Variants in NUP210L observed in about 807,000 individuals in gnomAD.
NUP210L encodes nucleoporin 210 like.
A neutral mutation model predicts 208.5 loss-of-function variants in NUP210L; 74 were observed. The ratio of observed to expected loss-of-function variants is 0.35; its 90% CI spans 0.29 to 0.43. NUP210L has a LOEUF of 0.43. Ranked by LOEUF, NUP210L falls within the 20% of genes least tolerant of loss-of-function variation. The pLI is 1.00. For synonymous variants in NUP210L, 780 were observed against 816.9 expected (o/e 0.95, Z 0.77); for missense variants, 1,843 against 2,289.4 (o/e 0.81, Z 3.98).
At chr1:154,064,873 G>A (rs984683505) in intron 17 of NUP210L, among the ~76,000 whole-genome samples, 7 of 151,824 alleles carry the variant, frequency 4.6e-5, no homozygotes, top group Non-Finnish European at 1.0e-4. Context: ...TCAAGAGTTC[G>A]AGACCAGCCT....
intron 9 of NUP210L, 35 bp from the exon 10 acceptor site, chr1:154,126,498 G>T (rs1411386231): frequency 6.4e-7 from 1 of 1,570,562 alleles, no homozygotes. Flanking sequence ...CAAACCTGAA[G>T]ATATGTTCTT....
At chr1:154,081,639 C>A (rs529359780) in intron 16 of NUP210L, among the ~76,000 whole-genome samples, 105 of 152,254 alleles carry the variant, frequency 6.9e-4, no homozygotes, top group African/African-American at 2.4e-3. Context: ...GCCAATTATT[C>A]AATTAATCAT....
chr1:154,116,210 G>A lies in NUP210L; in HGVS notation c.1620+1515C>T, dbSNP rs1250439201. Among the ~76,000 whole-genome samples, 6 of 144,772 alleles carry A rather than the reference G, an allele frequency of 4.1e-5. No homozygotes were observed. The South Asian group carries it at 1.1e-3, about 27-fold the overall frequency. 95.0% of individuals were successfully genotyped at this position (144,772 alleles called of 152,430 possible). A position where few individuals can be genotyped will look rare whatever the true frequency, so the allele number is the denominator to read the frequency against. On this transcript the variant is annotated intron_variant, in intron 12 of 39. Coordinates refer to ENST00000368559, the Ensembl canonical transcript of NUP210L. ...GCAGAGCTTGCAGTGAGCCAAGATC[G>A]CACCACTGCACTCCAGCCTTGGCGA... is the stretch of plus-strand genomic sequence containing the variant.
chr1:154,137,379 C>T (rs942584819), intron 6 of NUP210L, among the ~76,000 whole-genome samples: 12 of 151,948 alleles, frequency 7.9e-5, no homozygotes, highest in Admixed American at 4.6e-4. Context: ...GGTGAAACCC[C>T]GTCTCTACTA....
chr1:154,123,474 G>T (rs993076978), intron 10 of NUP210L, among the ~76,000 whole-genome samples: 2 of 152,132 alleles, frequency 1.3e-5, no homozygotes, highest in African/African-American at 4.8e-5. Context: ...GACTAATCAT[G>T]CTGAACATCT....
intron 13 of NUP210L, among the ~76,000 whole-genome samples, chr1:154,100,731 G>A (rs1011369572): frequency 8.6e-5 from 13 of 150,834 alleles, no homozygotes; most frequent in Middle Eastern, 3.2e-3. Flanking sequence ...TATTGGCCAC[G>A]CTGGTCTCGA....
At chr1:154,042,105 T>TC (rs1338468730) in intron 27 of NUP210L, among the ~76,000 whole-genome samples, 40 of 147,766 alleles carry the variant, frequency 2.7e-4, no homozygotes, top group Admixed American at 8.8e-4. Context: ...TCTCTCTCTC[T>TC]TTTTTTTTTT....
chr1:154,150,499 G>A (rs1024314834), intron 2 of NUP210L, among the ~76,000 whole-genome samples: 6 of 152,068 alleles, frequency 3.9e-5, no homozygotes, highest in Non-Finnish European at 8.8e-5. Flanking sequence ...GGGCCAAGGC[G>A]GGTGGATCAC....
intron 16 of NUP210L, among the ~76,000 whole-genome samples, chr1:154,072,509 G>T (rs922210431): frequency 1.4e-4 from 21 of 151,142 alleles, no homozygotes; most frequent in African/African-American, 3.4e-4. Context: ...ATTTTTTGTA[G>T]TTTTAGTAGA....
chr1:154,047,395 C>T (rs1269349643), intron 25 of NUP210L, among the ~76,000 whole-genome samples: 2 of 152,160 alleles, frequency 1.3e-5, no homozygotes, highest in African/African-American at 2.4e-5. Context: ...TGGCCATAAA[C>T]TGGCCCCAAA....
At position 154,147,767 on chromosome 1, in the gene NUP210L, T is replaced by C. The variant is rs1417904495; in HGVS notation, c.341-4190A>G. ...GGTTCTGGGGTTCAAGCAATCCTCGTCCCTCAGCCTCCAGAGTAGCTGGGA... is the reference window on the plus strand; with the variant it reads ...GGTTCTGGGGTTCAAGCAATCCTCGCCCCTCAGCCTCCAGAGTAGCTGGGA... On this transcript the variant is annotated intron_variant, in intron 2 of 39. Transcript: ENST00000368559. Among the ~76,000 whole-genome samples, 3 of 141,836 alleles carry C rather than the reference T, an allele frequency of 2.1e-5. No individual in the cohort carries two copies. In the East Asian group the frequency reaches 6.7e-4, roughly 32 times the overall value. 93.0% of individuals were successfully genotyped at this position (141,836 alleles called of 152,430 possible). A position where few individuals can be genotyped will look rare whatever the true frequency, so the allele number is the denominator to read the frequency against.
At chr1:154,105,063 A>C (rs1656683259) in intron 12 of NUP210L, among the ~76,000 whole-genome samples, 1 of 152,202 alleles carries the variant, frequency 6.6e-6, no homozygotes, top group Non-Finnish European at 1.5e-5. Context: ...CATGAGGCAG[A>C]GTCACAAGGC....
chr1:154,149,087 C>CTCTTTTTTTTTTTTT (rs1553244118), intron 2 of NUP210L, among the ~76,000 whole-genome samples: 3 of 119,362 alleles, frequency 2.5e-5, no homozygotes, highest in African/African-American at 6.2e-5. Flanking sequence ...GAAAACTTCT[C>CTCTTTTTTTTTTTTT]TTTTTTTTTT....
chr1:153,995,228 G>A (rs762502205), intron 37 of NUP210L, 48 bp from the exon 38 acceptor site: 1 of 1,283,780 alleles, frequency 7.8e-7, no homozygotes, highest in East Asian at 2.3e-5. Context: ...TAGCAACCAT[G>A]GGCAGATGCT....
intron 38 of NUP210L, among the ~76,000 whole-genome samples, chr1:153,993,334 A>T (rs1476563362): frequency 2.0e-5 from 3 of 152,134 alleles, no homozygotes; most frequent in Non-Finnish European, 2.9e-5. Context: ...TGGGAGGCTG[A>T]GGTGGGCGGA....
chr1:154,127,658 C>A (rs34175616), intron 8 of NUP210L, among the ~76,000 whole-genome samples: 59,568 of 147,524 alleles, frequency 0.4, 12,692 homozygotes, highest in Non-Finnish European at 0.5. Context: ...TCAACTGATT[C>A]TTGTGCCTCA....
chr1:154,143,555 A>G (rs370699710), exon 3 of NUP210L: 46 of 1,613,696 alleles, frequency 2.9e-5, no homozygotes, highest in Non-Finnish European at 3.7e-5. Flanking sequence ...CCTTAACATC[A>G]CAGCGTAGCT....
Position 154,002,017 on chromosome 1 carries a change from A to G in NUP210L, c.4931-32T>C, listed in dbSNP as rs757115272. 3 of 1,607,152 alleles carry G rather than the reference A, an allele frequency of 1.9e-6. No homozygotes were observed. The Admixed American group carries it at 5.1e-5, about 27-fold the overall frequency. ...AAAAAAGAGGAAAAACTGAGCAGGAAGGTTCAGAGGCTCTATTGAGCCAAC... is the reference window on the plus strand; with the variant it reads ...AAAAAAGAGGAAAAACTGAGCAGGAGGGTTCAGAGGCTCTATTGAGCCAAC... On this transcript the variant is annotated intron_variant, in intron 35 of 39. Transcript: ENST00000368559.
intron 33 of NUP210L, among the ~76,000 whole-genome samples, chr1:154,018,390 A>G (rs554648059): frequency 6.6e-6 from 1 of 152,282 alleles, no homozygotes; most frequent in East Asian, 1.9e-4. Flanking sequence ...TTTAATAGAC[A>G]TACCCAATTT....
Sources: gnomAD v4.1 joint callset for allele counts (sites outside exome capture counted in the v4.1 genomes callset) on GRCh38, gnomAD v4.1.1 for gene constraint, MANE v1.5 for transcripts, NCBI Gene and HGNC (gene_info 2026-07-23, HGNC 2026-07-21) for gene names.